Variants in GRM1 observed in about 807,000 individuals in gnomAD.
GRM1 encodes metabotropic glutamate receptor 1.
In GRM1, 33 loss-of-function variants were observed where a neutral mutation model predicts 90.9. The observed-to-expected ratio is 0.36, with a 90% confidence interval of 0.28 to 0.49. GRM1 has a LOEUF of 0.49. Among genes scored for constraint, GRM1 ranks in the 20% least tolerant of loss-of-function variants. The probability of loss-of-function intolerance (pLI) is 0.99; values close to 1 mark genes in which losing one functional copy is unlikely to be tolerated. For missense variants in GRM1, 1,190 were observed against 1,534.3 expected (o/e 0.78, Z 3.75); for synonymous variants, 700 against 613.2 (o/e 1.14, Z -2.09).
At chr6:146,222,594 C>T (rs754672210) in intron 2 of GRM1, among the ~76,000 whole-genome samples, 2 of 151,878 alleles carry the variant, frequency 1.3e-5, no homozygotes, top group African/African-American at 2.4e-5. Context: ...TCCTACTTAC[C>T]TTTTTTAATC....
intron 1 of GRM1, among the ~76,000 whole-genome samples, chr6:146,126,940 G>A (rs2128879053): frequency 6.6e-6 from 1 of 152,196 alleles, no homozygotes; most frequent in East Asian, 1.9e-4. Context: ...TGTTAGGTAT[G>A]ATTTGGAGAG....
chr6:146,082,761 A>G (rs1776407173), intron 1 of GRM1, among the ~76,000 whole-genome samples: 1 of 152,192 alleles, frequency 6.6e-6, no homozygotes, highest in Admixed American at 6.5e-5. Flanking sequence ...GTTTTTTTCT[A>G]ATTCTGTGAA....
At chr6:146,303,542 A>G (rs924245313) in intron 2 of GRM1, among the ~76,000 whole-genome samples, 3 of 152,182 alleles carry the variant, frequency 2.0e-5, no homozygotes, top group Non-Finnish European at 4.4e-5. Context: ...CTGAATGACA[A>G]GGACCTGACA....
chr6:146,224,422 G>A (rs1248579046), intron 2 of GRM1, among the ~76,000 whole-genome samples: 1 of 152,010 alleles, frequency 6.6e-6, no homozygotes, highest in Non-Finnish European at 1.5e-5. Flanking sequence ...CAACAGAAGG[G>A]GCTTGTAGCT....
intron 5 of GRM1, among the ~76,000 whole-genome samples, chr6:146,376,349 A>G (rs1776097656): frequency 6.6e-6 from 1 of 152,048 alleles, no homozygotes; most frequent in Non-Finnish European, 1.5e-5. Flanking sequence ...TTTTTATTCC[A>G]TGTACTATTA....
At chr6:146,081,638 G>T (rs967718872) in intron 1 of GRM1, among the ~76,000 whole-genome samples, 1 of 152,168 alleles carries the variant, frequency 6.6e-6, no homozygotes, top group Non-Finnish European at 1.5e-5. Context: ...GTGGCAAAAT[G>T]TCTGATTTTA....
chr6:146,049,403 T>C (rs1791444200), intron 1 of GRM1, among the ~76,000 whole-genome samples: 1 of 151,980 alleles, frequency 6.6e-6, no homozygotes, highest in African/African-American at 2.4e-5. Context: ...CTCCTTTTCT[T>C]ACACGTCAGT....
chr6:146,033,889 A>T (rs1024250706), intron 1 of GRM1, among the ~76,000 whole-genome samples: 1 of 152,102 alleles, frequency 6.6e-6, no homozygotes, highest in Non-Finnish European at 1.5e-5. Flanking sequence ...TAATAATTTT[A>T]TATCTACTAA....
intron 2 of GRM1, among the ~76,000 whole-genome samples, chr6:146,248,904 C>T (rs1781171789): frequency 6.6e-6 from 1 of 152,192 alleles, no homozygotes; most frequent in African/African-American, 2.4e-5. Flanking sequence ...GCAAAAGTCA[C>T]TCTTGCTATG....
At chr6:146,168,726 T>C (rs563112774) in intron 2 of GRM1, among the ~76,000 whole-genome samples, 5 of 152,186 alleles carry the variant, frequency 3.3e-5, no homozygotes, top group Non-Finnish European at 7.4e-5. Context: ...AGTATAGAAT[T>C]CTAGGTTGAT....
At chr6:146,242,439 A>G (rs978492190) in intron 2 of GRM1, among the ~76,000 whole-genome samples, 3 of 152,108 alleles carry the variant, frequency 2.0e-5, no homozygotes, top group African/African-American at 7.2e-5. Flanking sequence ...TATGGAAAAG[A>G]CCTGGTAGAC....
intron 7 of GRM1, among the ~76,000 whole-genome samples, chr6:146,416,430 T>A (rs1583468365): frequency 6.6e-6 from 1 of 152,146 alleles, no homozygotes; most frequent in African/African-American, 2.4e-5. Flanking sequence ...ACAAAAAAAA[T>A]TAATCTTTTA....
intron 7 of GRM1, among the ~76,000 whole-genome samples, chr6:146,405,376 G>A (rs1173556068): frequency 6.6e-6 from 1 of 152,184 alleles, no homozygotes; most frequent in African/African-American, 2.4e-5. Flanking sequence ...TCTGAAGGCA[G>A]TAGACAAAGG....
intron 5 of GRM1, among the ~76,000 whole-genome samples, chr6:146,386,073 T>A (rs1229655874): frequency 6.6e-6 from 1 of 152,080 alleles, no homozygotes; most frequent in Non-Finnish European, 1.5e-5. Flanking sequence ...TTATGATAAA[T>A]GTAAATGTAC....
At chr6:146,149,839 G>C (rs1352422051) in intron 1 of GRM1, among the ~76,000 whole-genome samples, 1 of 152,164 alleles carries the variant, frequency 6.6e-6, no homozygotes, top group African/African-American at 2.4e-5. Context: ...AGCTGGAACA[G>C]AGGTGAGGCT....
intron 3 of GRM1, among the ~76,000 whole-genome samples, chr6:146,348,290 C>T (rs1400479246): frequency 1.3e-4 from 20 of 152,142 alleles, no homozygotes; most frequent in Admixed American, 1.2e-3. Context: ...ACAGGGCAGC[C>T]TATAATAGAT....
rs558970082 is a variant in GRM1, at chr6:146,334,475, A to G, written c.1187-17775A>G. 2.4e-4 allele frequency among the ~76,000 whole-genome samples: 36 copies of G among 152,306 alleles called. No homozygotes were observed. In the South Asian group the frequency reaches 3.3e-3, roughly 14 times the overall value. On this transcript the variant is annotated intron_variant, in intron 3 of 7. Coordinates refer to ENST00000282753, the MANE Select transcript of GRM1 (RefSeq NM_001278064.2). ...CTTCTACACATTTGGCCAACTAATA[A>G]TGGTCTTCTGCATGGGCACAGAACA... is the stretch of plus-strand genomic sequence containing the variant.
At chr6:146,132,910 C>T (rs1440662140) in intron 1 of GRM1, among the ~76,000 whole-genome samples, 1 of 152,164 alleles carries the variant, frequency 6.6e-6, no homozygotes, top group Non-Finnish European at 1.5e-5. Flanking sequence ...CTAGTTCTAC[C>T]TGGCATGTAC....
At chr6:146,241,542 T>C (rs1780863787) in intron 2 of GRM1, among the ~76,000 whole-genome samples, 1 of 152,140 alleles carries the variant, frequency 6.6e-6, no homozygotes, top group South Asian at 2.1e-4. Context: ...TTCACATGCA[T>C]TGGGGTTGCC....
Sources: allele counts gnomAD v4.1 joint callset (sites outside exome capture counted in the v4.1 genomes callset), GRCh38; gene constraint gnomAD v4.1.1; transcripts MANE v1.5; gene names NCBI Gene and HGNC (gene_info 2026-07-23, HGNC 2026-07-21).